Variants in CATSPERG observed in about 807,000 individuals in gnomAD.
CATSPERG encodes the protein cation channel sperm-associated auxiliary subunit gamma.
A neutral mutation model predicts 145.0 loss-of-function variants in CATSPERG; 115 were observed. The observed-to-expected ratio is 0.79, with a 90% confidence interval of 0.68 to 0.93. The LOEUF (loss-of-function observed/expected upper bound fraction) is 0.93, where lower values mean the gene tolerates loss of function less well. Ranked by LOEUF, CATSPERG falls within the 40% of genes least tolerant of loss-of-function variation. The pLI is 0.00. For synonymous variants in CATSPERG, 588 were observed against 589.0 expected, an observed-to-expected ratio of 1.00 and a Z score of 0.02; for missense variants, 1,296 against 1,490.1, an observed-to-expected ratio of 0.87 and a Z score of 2.14.
intron 17 of CATSPERG, 169 bp from the exon 18 acceptor site, chr19:38,362,041 G>T: frequency 1.1e-6 from 1 of 941,454 alleles, no homozygotes; most frequent in Non-Finnish European, 1.6e-6. Context: ...GGAAGGCGTT[G>T]GGGGTGTGGC....
At chr19:38,352,070 C>T (rs1278830575) in intron 7 of CATSPERG, among the ~76,000 whole-genome samples, 191 bp from the exon 8 acceptor site, 1 of 152,200 alleles carries the variant, frequency 6.6e-6, no homozygotes, top group Non-Finnish European at 1.5e-5. Context: ...CCTGGGTCAC[C>T]TGCTTCTCTG....
intron 3 of CATSPERG, among the ~76,000 whole-genome samples, chr19:38,341,692 AG>A (rs1359364011): frequency 1.3e-5 from 2 of 152,176 alleles, no homozygotes; most frequent in African/African-American, 4.8e-5. Context: ...ACCTGAGTTC[AG>A]GAGTTCGAGA....
At position 38,344,880 on chromosome 19, in the gene CATSPERG, CACAT is replaced by C. The variant is rs1295705994; in HGVS notation, c.669+514_669+517del. On this transcript the variant is annotated intron_variant, in intron 6 of 28. Transcript: ENST00000409235. ...AGACACACACACACACACACACACA[CACAT>C]ATATATATATATATATATTTTTTTT... Among the ~76,000 whole-genome samples, 57 of 73,538 alleles carry C rather than the reference CACAT, an allele frequency of 7.8e-4. 4 individuals are homozygous for C. Among genetic ancestry groups the C allele is most frequent in the South Asian group, 4.4e-3 (7 of 1,606 alleles). 48.2% of individuals were successfully genotyped at this position (73,538 alleles called of 152,430 possible).
chr19:38,342,707 G>A (rs779578837), intron 3 of CATSPERG, among the ~76,000 whole-genome samples: 25 of 151,306 alleles, frequency 1.7e-4, no homozygotes, highest in South Asian at 8.4e-4. Flanking sequence ...TAAATCCCTC[G>A]CCCTGGTCCC....
chr19:38,346,640 C>G (rs1488827833), intron 7 of CATSPERG, 35 bp downstream of exon 7: 2 of 1,527,436 alleles, frequency 1.3e-6, no homozygotes, highest in South Asian at 1.2e-5. Context: ...GGCGGGGCGT[C>G]TTGGAGGGAG....
chr19:38,364,737 C>G (rs1428922341), intron 20 of CATSPERG, among the ~76,000 whole-genome samples, 154 bp from the exon 21 acceptor site: 1 of 152,274 alleles, frequency 6.6e-6, no homozygotes, highest in African/African-American at 2.4e-5. Flanking sequence ...CCGGCCAACA[C>G]CCCGTTAGCC....
intron 27 of CATSPERG, 30 bp downstream of exon 27, chr19:38,370,094 T>A: frequency 6.2e-7 from 1 of 1,613,434 alleles, no homozygotes. Context: ...CAGGTGCGGG[T>A]CAGGGGCTGC....
chr19:38,345,491 C>G (rs1970026125), intron 6 of CATSPERG, among the ~76,000 whole-genome samples: 1 of 151,514 alleles, frequency 6.6e-6, no homozygotes, highest in East Asian at 2.0e-4. Flanking sequence ...CTGTGCCCGG[C>G]CCATGCCCAT....
chr19:38,344,529 C>T (rs1015656859), intron 6 of CATSPERG, among the ~76,000 whole-genome samples, 161 bp downstream of exon 6: 5 of 151,996 alleles, frequency 3.3e-5, no homozygotes, highest in South Asian at 2.1e-4. Context: ...GTCGAGGGGA[C>T]GTACTCTCAC....
At chr19:38,353,755 C>A (rs569412718) in intron 8 of CATSPERG, among the ~76,000 whole-genome samples, 1 of 145,292 alleles carries the variant, frequency 6.9e-6, no homozygotes, top group East Asian at 2.1e-4. Flanking sequence ...GTAATCCCAG[C>A]GCTTTGGGAG....
chr19:38,361,197 G>T (rs550951908), intron 16 of CATSPERG, among the ~76,000 whole-genome samples: 9 of 152,096 alleles, frequency 5.9e-5, no homozygotes, highest in African/African-American at 2.2e-4. Context: ...GAGAAACTTG[G>T]GCTTCATCTT....
intron 7 of CATSPERG, 31 bp downstream of exon 7, chr19:38,346,636 G>T (rs1970046448): frequency 1.3e-6 from 2 of 1,529,722 alleles, no homozygotes; most frequent in South Asian, 2.4e-5. Context: ...GGTGGGCGGG[G>T]CGTCTTGGAG....
At chr19:38,346,398 G>A in intron 6 of CATSPERG, 52 bp from the exon 7 acceptor site, 1 of 1,475,686 alleles carries the variant, frequency 6.8e-7, no homozygotes, top group Non-Finnish European at 9.1e-7. Flanking sequence ...ATGAGATGGA[G>A]TCTCAGGAGA....
At chr19:38,357,590 G>A (rs1385349228) in intron 11 of CATSPERG, among the ~76,000 whole-genome samples, 1 of 151,640 alleles carries the variant, frequency 6.6e-6, no homozygotes, top group African/African-American at 2.4e-5. Context: ...ACCAAGGTGG[G>A]TGGAATGCTT....
chr19:38,349,926 A>G (rs1000685282), intron 7 of CATSPERG, among the ~76,000 whole-genome samples: 15 of 152,170 alleles, frequency 9.9e-5, no homozygotes, highest in African/African-American at 3.6e-4. Context: ...TGGCCTCCCA[A>G]AGTGTTGGGA....
rs1323890106 is a variant in CATSPERG at position 38,344,909 on chromosome 19, T to A, written c.669+541T>A. Among the ~76,000 whole-genome samples, 1,142 of 125,594 alleles carry A rather than the reference T, an allele frequency of 9.1e-3. 48 individuals are homozygous for A. Among genetic ancestry groups the A allele is most frequent in the Non-Finnish European group, 0.015 (881 of 60,002 alleles). 82.4% of individuals were successfully genotyped at this position (125,594 alleles called of 152,430 possible). Reference sequence around the variant, plus strand: ...TATATATATATATATATATTTTTTTTTTTTTTTTTTTTTTTGAGACGGGGC... The same window carrying A: ...TATATATATATATATATATTTTTTTATTTTTTTTTTTTTTTGAGACGGGGC... On this transcript the variant is annotated intron_variant, in intron 6 of 28. Coordinates refer to ENST00000409235, the MANE Select transcript of CATSPERG (RefSeq NM_021185.5).
intron 1 of CATSPERG, among the ~76,000 whole-genome samples, chr19:38,336,849 GC>G (rs1298687173): frequency 6.6e-6 from 1 of 152,094 alleles, no homozygotes; most frequent in Non-Finnish European, 1.5e-5. Flanking sequence ...AGGCGGCGGG[GC>G]GGAACGAGGC....
At chr19:38,341,902 C>CG (rs1280172907) in intron 3 of CATSPERG, among the ~76,000 whole-genome samples, 1 of 150,226 alleles carries the variant, frequency 6.7e-6, no homozygotes, top group Non-Finnish European at 1.5e-5. Flanking sequence ...AACTCCGTCT[C>CG]GGAAAAAAAA....
intron 22 of CATSPERG, 144 bp downstream of exon 22, chr19:38,365,261 AC>A: frequency 2.9e-6 from 2 of 684,398 alleles, no homozygotes; most frequent in Non-Finnish European, 5.1e-6. Flanking sequence ...CCCACCCACT[AC>A]CACCCACTAA....
Sources: allele counts gnomAD v4.1 joint callset (sites outside exome capture counted in the v4.1 genomes callset), GRCh38; gene constraint gnomAD v4.1.1; transcripts MANE v1.5; gene names NCBI Gene and HGNC (gene_info 2026-07-23, HGNC 2026-07-21).